Variants in PTPN4 observed in about 807,000 individuals in gnomAD.
PTPN4 encodes tyrosine-protein phosphatase non-receptor type 4.
In PTPN4, 49 loss-of-function variants were observed where a neutral mutation model predicts 135.5. The observed-to-expected ratio is 0.36, with a 90% CI of 0.29 to 0.46. The LOEUF (loss-of-function observed/expected upper bound fraction) is 0.46. Ranked by LOEUF, PTPN4 falls within the 20% of genes least tolerant of loss-of-function variation. The probability of loss-of-function intolerance (pLI) is 1.00; values close to 1 mark genes in which losing one functional copy is unlikely to be tolerated. For synonymous variants in PTPN4, 333 were observed against 369.9 expected, an observed-to-expected ratio of 0.90 and a Z score of 1.14; for missense variants, 860 against 1,101.0, an observed-to-expected ratio of 0.78 and a Z score of 3.10.
chr2:119,780,833 G>C (rs1690924402), intron 1 of PTPN4, among the ~76,000 whole-genome samples: 3 of 152,106 alleles, frequency 2.0e-5, no homozygotes, highest in African/African-American at 7.2e-5. Context: ...TATGTATCTT[G>C]TTACCCAACA....
intron 1 of PTPN4, among the ~76,000 whole-genome samples, chr2:119,773,970 A>G (rs1690782763): frequency 6.6e-6 from 1 of 152,222 alleles, no homozygotes; most frequent in South Asian, 2.1e-4. Flanking sequence ...TAACCATCTT[A>G]CATAATGTAT....
Position 119,939,370 on chromosome 2 carries a change from C to T in PTPN4, c.1355+4412C>T, listed in dbSNP as rs778814361. Among the ~76,000 whole-genome samples, 6 of 152,052 alleles carry T rather than the reference C, an allele frequency of 3.9e-5. No individual in the cohort carries two copies. In the South Asian group the frequency reaches 8.3e-4, roughly 21 times the overall value. On this transcript the variant is annotated intron_variant, in intron 15 of 26. Transcript: ENST00000263708. Reference sequence around the variant, plus strand: ...GGCTGGAGTGCAGTGGTGTAATCACCGCTCACTGCAGCCTAGACCTCCTGG... The same window carrying T: ...GGCTGGAGTGCAGTGGTGTAATCACTGCTCACTGCAGCCTAGACCTCCTGG...
At chr2:119,880,941 GACTTTTGACTCTTGGAATATGT>G (rs1456694354) in intron 5 of PTPN4, among the ~76,000 whole-genome samples, 1 of 151,996 alleles carries the variant, frequency 6.6e-6, no homozygotes, top group Non-Finnish European at 1.5e-5. Context: ...AATTTCTAAT[GACTTTTGACTCTTGGAATATGT>G]ACTTTTTTTA....
Position 119,978,887 on chromosome 2 carries a change from C to G in PTPN4, c.*1817C>G, listed in dbSNP as rs1679654457. The G allele has an allele frequency of 6.6e-6, 1 of 151,998 alleles. No homozygotes were observed. Among genetic ancestry groups the G allele is most frequent in the Non-Finnish European group, 1.5e-5 (1 of 67,930 alleles). The allele number at this position is 151,998 out of a possible 1,614,324, so 9.4% of individuals were successfully genotyped here. A position where few individuals can be genotyped will look rare whatever the true frequency, so the allele number is the denominator to read the frequency against. ...CTCATAATAATAAATTTCAGGAAATCAAGCTCCTAAACATTAATAGCCAAG... is the reference window on the plus strand; with the variant it reads ...CTCATAATAATAAATTTCAGGAAATGAAGCTCCTAAACATTAATAGCCAAG... On this transcript the variant is annotated 3_prime_UTR_variant, in exon 27 of 27. Coordinates refer to ENST00000263708, the MANE Select transcript of PTPN4 (RefSeq NM_002830.4).
chr2:119,889,999 A>C (rs1044538143), intron 9 of PTPN4, among the ~76,000 whole-genome samples: 2 of 152,206 alleles, frequency 1.3e-5, no homozygotes, highest in Non-Finnish European at 2.9e-5. Flanking sequence ...TGCATTGTTC[A>C]GTGGAATGTT....
chr2:119,919,977 G>T (rs1016038818), intron 11 of PTPN4, 92 bp from the exon 12 acceptor site: 33 of 1,478,878 alleles, frequency 2.2e-5, no homozygotes, highest in Non-Finnish European at 3.0e-5. Context: ...TGTTTACAAG[G>T]CTAGAATAAT....
chr2:119,877,406 TATAAAG>T, intron 4 of PTPN4, 41 bp downstream of exon 4: 3 of 1,608,768 alleles, frequency 1.9e-6, no homozygotes, highest in East Asian at 2.2e-5. Context: ...AAGTTTACTT[TATAAAG>T]ATAAAGGATT....
At chr2:119,854,298 A>G (rs1448803477) in intron 2 of PTPN4, among the ~76,000 whole-genome samples, 1 of 152,212 alleles carries the variant, frequency 6.6e-6, no homozygotes, top group African/African-American at 2.4e-5. Flanking sequence ...CAGCATTTGC[A>G]TATCAAAGCT....
intron 15 of PTPN4, among the ~76,000 whole-genome samples, chr2:119,938,004 T>G (rs1679009336): frequency 6.6e-6 from 1 of 151,890 alleles, no homozygotes; most frequent in African/African-American, 2.4e-5. Context: ...TTATTTTTGG[T>G]AAAAAGCCCC....
intron 2 of PTPN4, among the ~76,000 whole-genome samples, chr2:119,829,321 T>G (rs973994630): frequency 1.3e-5 from 2 of 152,252 alleles, no homozygotes; most frequent in Admixed American, 1.3e-4. Flanking sequence ...TTTTAAAAAT[T>G]GTTGTAAAAT....
chr2:119,978,926 T>G lies in PTPN4; in HGVS notation c.*1856T>G, dbSNP rs1017113355. The G allele has an allele frequency of 6.6e-6, 1 of 152,208 alleles. No individual in the cohort carries two copies. Among genetic ancestry groups the G allele is most frequent in the South Asian group, 2.1e-4 (1 of 4,832 alleles). 9.4% of individuals were successfully genotyped at this position (152,208 alleles called of 1,614,324 possible). A position where few individuals can be genotyped will look rare whatever the true frequency, so the allele number is the denominator to read the frequency against. On this transcript the variant is annotated 3_prime_UTR_variant, in exon 27 of 27. Coordinates refer to ENST00000263708, the MANE Select transcript of PTPN4 (RefSeq NM_002830.4). ...TTAATAGCCAAGATACCAAATAAAT[T>G]ATCATATTAAAATATTTAAGTTTAT...
At chr2:119,931,314 G>A (rs1210904619) in intron 13 of PTPN4, among the ~76,000 whole-genome samples, 2 of 151,186 alleles carry the variant, frequency 1.3e-5, no homozygotes, top group Non-Finnish European at 2.9e-5. Context: ...ATCTGAATTT[G>A]CATATAAAAA....
Position 119,979,737 on chromosome 2 carries a change from A to C in PTPN4, c.*2667A>C, listed in dbSNP as rs1395095016. 6.6e-6 allele frequency: 1 copy of C among 152,098 alleles called. No homozygotes were observed. Among genetic ancestry groups the C allele is most frequent in the Non-Finnish European group, 1.5e-5 (1 of 67,972 alleles). The allele number at this position is 152,098 out of a possible 1,614,324, so 9.4% of individuals were successfully genotyped here. ...TAAAATGCCAAATGTCTTGTATCTA[A>C]GCTACGCTCCCACTCTTCCAGCCAC... is the stretch of plus-strand genomic sequence containing the variant. On this transcript the variant is annotated 3_prime_UTR_variant, in exon 27 of 27. Coordinates refer to ENST00000263708, the MANE Select transcript of PTPN4 (RefSeq NM_002830.4).
At position 119,977,748 on chromosome 2, in the gene PTPN4, G is replaced by A. The variant is rs1423024736; in HGVS notation, c.*678G>A. On this transcript the variant is annotated 3_prime_UTR_variant, in exon 27 of 27. Transcript: ENST00000263708. ...ATAATGTAACTTATATTTATCATAA[G>A]GTTGGCTTATTCCAAATCATGTGAT... The A allele has an allele frequency of 6.6e-6, 1 of 152,016 alleles. No homozygotes were observed. The highest frequency in any genetic ancestry group is 1.5e-5 in the Non-Finnish European group (1 of 68,020). The allele number at this position is 152,016 out of a possible 1,614,324, so 9.4% of individuals were successfully genotyped here. A position where few individuals can be genotyped will look rare whatever the true frequency, so the allele number is the denominator to read the frequency against.
At chr2:119,928,801 G>A (rs1452977730) in intron 13 of PTPN4, among the ~76,000 whole-genome samples, 1 of 151,604 alleles carries the variant, frequency 6.6e-6, no homozygotes, top group Non-Finnish European at 1.5e-5. Context: ...AGTGTAGAAC[G>A]TGCGATGTGG....
At chr2:119,973,046 A>C (rs1679559358) in intron 26 of PTPN4, among the ~76,000 whole-genome samples, 1 of 152,172 alleles carries the variant, frequency 6.6e-6, no homozygotes, top group Non-Finnish European at 1.5e-5. Flanking sequence ...AAAATTTACC[A>C]GCTCAACCAT....
At chr2:119,915,392 C>G (rs1678638969) in intron 11 of PTPN4, 150 bp downstream of exon 11, 1 of 522,414 alleles carries the variant, frequency 1.9e-6, no homozygotes, top group African/African-American at 2.0e-5. Flanking sequence ...CTTGTTATAA[C>G]AAAATGTACT....
intron 26 of PTPN4, among the ~76,000 whole-genome samples, chr2:119,969,597 C>T (rs576083765): frequency 9.0e-6 from 1 of 111,668 alleles, no homozygotes; most frequent in East Asian, 3.2e-4. Context: ...CTCGCTTTGT[C>T]GCCCAGGCTG....
intron 2 of PTPN4, among the ~76,000 whole-genome samples, chr2:119,847,803 G>T (rs375078417): frequency 1.5e-3 from 222 of 152,264 alleles, no homozygotes; most frequent in African/African-American, 4.6e-3. Context: ...ATGTGGAAAT[G>T]ACTATCTTTA....
Sources: allele counts gnomAD v4.1 joint callset (sites outside exome capture counted in the v4.1 genomes callset), GRCh38; gene constraint gnomAD v4.1.1; transcripts MANE v1.5; gene names NCBI Gene and HGNC (gene_info 2026-07-23, HGNC 2026-07-21).